GPHN: variants seen among roughly 807,000 people sequenced by gnomAD.
GPHN encodes the protein gephyrin.
In GPHN, 17 loss-of-function variants were observed where a neutral mutation model predicts 95.5. The observed-to-expected ratio is 0.18, with a 90% confidence interval of 0.12 to 0.27. GPHN has a LOEUF of 0.27. Ranked by LOEUF, GPHN falls within the 10% of genes least tolerant of loss-of-function variation. GPHN has a pLI of 1.00. For missense variants in GPHN, 660 were observed against 978.1 expected, an observed-to-expected ratio of 0.67 and a Z score of 4.34; for synonymous variants, 320 against 322.5, an observed-to-expected ratio of 0.99 and a Z score of 0.08.
chr14:66,947,896 A>G (rs1408430329), intron 8 of GPHN, among the ~76,000 whole-genome samples: 2 of 152,240 alleles, frequency 1.3e-5, no homozygotes, highest in Non-Finnish European at 2.9e-5. Flanking sequence ...TTGAGACTAC[A>G]GTGAGCTGTG....
At chr14:67,133,956 A>T (rs2079882590) in intron 17 of GPHN, among the ~76,000 whole-genome samples, 1 of 152,222 alleles carries the variant, frequency 6.6e-6, no homozygotes, top group Non-Finnish European at 1.5e-5. Flanking sequence ...TATGTTCAAA[A>T]ATGAAAGGGA....
At chr14:66,954,613 A>G (rs2068356749) in intron 8 of GPHN, among the ~76,000 whole-genome samples, 1 of 152,074 alleles carries the variant, frequency 6.6e-6, no homozygotes, top group Non-Finnish European at 1.5e-5. Context: ...GAAGCCTTTT[A>G]TTTCTATTTC....
At chr14:67,578,683 A>G in the GPHN span, 1 of 1,158,534 alleles carries the variant, frequency 8.6e-7, no homozygotes, top group East Asian at 2.5e-5. The surrounding 1 kb of genome is among the most constrained non-coding windows in gnomAD (Gnocchi z 5.0). Context: ...CAACTGCCGC[A>G]TGAATAAGAG....
chr14:67,051,473 A>G (rs1405958174), intron 10 of GPHN, among the ~76,000 whole-genome samples: 1 of 152,184 alleles, frequency 6.6e-6, no homozygotes, highest in Non-Finnish European at 1.5e-5. Flanking sequence ...AAAAGACCAA[A>G]CCTACAACTG....
chr14:67,498,824 C>T, the GPHN span, among the ~76,000 whole-genome samples: 13 of 151,928 alleles, frequency 8.6e-5, no homozygotes, highest in Non-Finnish European at 1.9e-4. Flanking sequence ...CACCACCATG[C>T]CTGATTAATT....
intron 1 of GPHN, among the ~76,000 whole-genome samples, chr14:66,569,380 T>G (rs2060586706): frequency 6.6e-6 from 1 of 152,144 alleles, no homozygotes; most frequent in African/African-American, 2.4e-5. Context: ...CTAAAAAAAT[T>G]AGGCCGAGGC....
At chr14:67,390,844 C>T in the GPHN span, 31 of 843,016 alleles carry the variant, frequency 3.7e-5, no homozygotes, top group East Asian at 1.9e-4. Flanking sequence ...CAAGCCAGCC[C>T]GCTCCAATGG....
downstream of GPHN, among the ~76,000 whole-genome samples, chr14:67,186,276 G>A (rs981466136): frequency 9.2e-5 from 14 of 152,158 alleles, no homozygotes; most frequent in African/African-American, 3.4e-4. Flanking sequence ...GTTAGGAAAA[G>A]TATATGAAGA....
intron 4 of GPHN, among the ~76,000 whole-genome samples, chr14:66,850,090 A>G (rs1443389451): frequency 1.3e-5 from 2 of 152,080 alleles, no homozygotes; most frequent in Non-Finnish European, 2.9e-5. Context: ...TTTCTTATGT[A>G]ATGTTCACTG....
the GPHN span, among the ~76,000 whole-genome samples, chr14:67,291,127 T>G: frequency 6.6e-6 from 1 of 151,612 alleles, no homozygotes; most frequent in Admixed American, 6.6e-5. Flanking sequence ...AATTAAGAGG[T>G]AAATGGAAAT....
chr14:67,046,818 C>T (rs1243078132), intron 10 of GPHN, among the ~76,000 whole-genome samples: 3 of 152,160 alleles, frequency 2.0e-5, no homozygotes, highest in Non-Finnish European at 4.4e-5. Context: ...ACAAACTCTA[C>T]CATTGCCAGT....
intron 4 of GPHN, among the ~76,000 whole-genome samples, chr14:66,846,757 C>T (rs1467205068): frequency 1.3e-5 from 2 of 151,954 alleles, no homozygotes; most frequent in Non-Finnish European, 2.9e-5. Context: ...TAAAACTAGG[C>T]TTATTAGTTT....
chr14:67,604,002 G>GT, the GPHN span, among the ~76,000 whole-genome samples: 1,198 of 147,808 alleles, frequency 8.1e-3, 31 homozygotes, highest in African/African-American at 0.027. Context: ...TTTTGTTTTT[G>GT]TTTTTTTTTT....
chr14:66,861,020 G>A (rs1052635509), intron 4 of GPHN, among the ~76,000 whole-genome samples: 7 of 151,958 alleles, frequency 4.6e-5, no homozygotes, highest in Non-Finnish European at 1.0e-4. Context: ...AAAATGGCAG[G>A]TGTAAGCCCT....
the GPHN span, chr14:67,473,399 G>A: frequency 6.2e-7 from 1 of 1,609,128 alleles, no homozygotes; most frequent in Non-Finnish European, 8.5e-7. This position sits in a 1 kb window ranked among gnomAD's most constrained non-coding sequence, Gnocchi z 6.5. Context: ...GAGATCCCCA[G>A]GCCCCCCACC....
intron 8 of GPHN, among the ~76,000 whole-genome samples, chr14:66,953,044 A>G (rs943083808): frequency 6.7e-6 from 1 of 149,712 alleles, no homozygotes; most frequent in Admixed American, 6.7e-5. Context: ...ATGGCATCTC[A>G]TTGTGGTTTT....
chr14:66,696,860 G>T (rs1164199058), intron 2 of GPHN, among the ~76,000 whole-genome samples: 1 of 152,164 alleles, frequency 6.6e-6, no homozygotes, highest in African/African-American at 2.4e-5. Flanking sequence ...TTCCTTTTAA[G>T]AAATGTATGT....
the GPHN span, among the ~76,000 whole-genome samples, chr14:67,654,215 C>A: frequency 6.6e-6 from 1 of 152,164 alleles, no homozygotes; most frequent in African/African-American, 2.4e-5. Flanking sequence ...CAAGCAATAA[C>A]CCCACATGTC....
the GPHN span, among the ~76,000 whole-genome samples, chr14:67,413,308 T>C: frequency 1.3e-5 from 2 of 151,996 alleles, no homozygotes; most frequent in Non-Finnish European, 1.5e-5. Context: ...CACTATATTG[T>C]CCAGACTGGT....
Sources: allele counts gnomAD v4.1 joint callset (sites outside exome capture counted in the v4.1 genomes callset), GRCh38; gene constraint gnomAD v4.1.1; non-coding constraint Gnocchi (gnomAD v3.1); transcripts MANE v1.5; gene names NCBI Gene and HGNC (gene_info 2026-07-23, HGNC 2026-07-21).